MAP2K1: variants seen among roughly 807,000 people sequenced by gnomAD.
MAP2K1 encodes dual specificity mitogen-activated protein kinase kinase 1.
A neutral mutation model predicts 46.3 loss-of-function variants in MAP2K1; 16 were observed. The ratio of observed to expected loss-of-function variants is 0.35; its 90% CI spans 0.23 to 0.52. MAP2K1 has a LOEUF of 0.52. MAP2K1 is among the 20% of genes least tolerant of loss of function. The pLI, the probability that MAP2K1 is intolerant of heterozygous loss-of-function variation, is 0.94. For missense variants in MAP2K1, 263 were observed against 497.1 expected (o/e 0.53, Z 4.48); for synonymous variants, 183 against 185.6 (o/e 0.99, Z 0.11).
intron 1 of MAP2K1, among the ~76,000 whole-genome samples, chr15:66,433,700 G>A (rs1329530231): frequency 6.6e-6 from 1 of 152,214 alleles, no homozygotes. Flanking sequence ...GAACTGGGGT[G>A]TGTGTGTTGG....
chr15:66,408,770 C>T (rs1422599764), intron 1 of MAP2K1, among the ~76,000 whole-genome samples: 1 of 152,098 alleles, frequency 6.6e-6, no homozygotes, highest in Non-Finnish European at 1.5e-5. Flanking sequence ...CTCCAATATA[C>T]GTATGTTGAA....
At chr15:66,420,278 G>A (rs1344607867) in intron 1 of MAP2K1, among the ~76,000 whole-genome samples, 1 of 149,836 alleles carries the variant, frequency 6.7e-6, no homozygotes, top group Non-Finnish European at 1.5e-5. Context: ...ATGAATGAAT[G>A]CCTTTCAGCC....
chr15:66,437,128 C>T (rs2093490422), intron 3 of MAP2K1, among the ~76,000 whole-genome samples: 1 of 152,142 alleles, frequency 6.6e-6, no homozygotes, highest in South Asian at 2.1e-4. Context: ...GGTGGGTGTA[C>T]CTAGAGCACC....
At chr15:66,409,505 G>A (rs1476662489) in intron 1 of MAP2K1, among the ~76,000 whole-genome samples, 1 of 152,070 alleles carries the variant, frequency 6.6e-6, no homozygotes, top group African/African-American at 2.4e-5. Context: ...AATTTACATG[G>A]CACCTGGTGG....
intron 1 of MAP2K1, among the ~76,000 whole-genome samples, chr15:66,403,243 T>C (rs2093386773): frequency 6.6e-6 from 1 of 152,212 alleles, no homozygotes; most frequent in South Asian, 2.1e-4. Flanking sequence ...TTACCCAACA[T>C]TAAATTTTGG....
At position 66,443,336 on chromosome 15, in the gene MAP2K1, T is replaced by G. The variant is rs747171317; in HGVS notation, c.495T>G (p.Ile165Met). 2 of 1,612,176 alleles carry G rather than the reference T, an allele frequency of 1.2e-6. No individual in the cohort carries two copies. Among genetic ancestry groups the G allele is most frequent in the Non-Finnish European group, 1.7e-6 (2 of 1,178,308 alleles). ...AAGCTGGAAGAATTCCTGAACAAATTTTAGGAAAAGTTAGCATTGCTGTGA... is the reference window on the plus strand; with the variant it reads ...AAGCTGGAAGAATTCCTGAACAAATGTTAGGAAAAGTTAGCATTGCTGTGA... ...LKKAGRIPEQ[I>M]LGKVSIAVIK... Residue 165 changes from isoleucine (I) to methionine (M), a missense_variant, in exon 4 of 11, where the codon ATT (isoleucine) becomes ATG (methionine). By Grantham distance (10) the Ile-to-Met change is conservative. This residue lies in a region of MAP2K1 where 103 missense variants were observed against 221.6 expected (regional missense o/e 0.46). Coordinates refer to ENST00000307102, the MANE Select transcript of MAP2K1 (RefSeq NM_002755.4).
chr15:66,448,825 A>G (rs1595868232), intron 5 of MAP2K1, among the ~76,000 whole-genome samples: 1 of 152,020 alleles, frequency 6.6e-6, no homozygotes, highest in East Asian at 1.9e-4. Context: ...AACATGGTGA[A>G]ACCCCCGTCT....
intron 1 of MAP2K1, among the ~76,000 whole-genome samples, chr15:66,388,432 T>G (rs1013093482): frequency 1.3e-5 from 2 of 152,214 alleles, no homozygotes; most frequent in Admixed American, 1.3e-4. Flanking sequence ...CTTAATCTTT[T>G]ACCTGCACAC....
intron 1 of MAP2K1, 126 bp from the exon 2 acceptor site, chr15:66,434,901 C>T (rs889292414): frequency 7.8e-6 from 6 of 769,802 alleles, no homozygotes; most frequent in South Asian, 5.6e-5. Context: ...GGGGCCTCCT[C>T]TCTAGCCTCC....
At chr15:66,478,911 A>C (rs1892847460) in intron 5 of MAP2K1, among the ~76,000 whole-genome samples, 1 of 152,184 alleles carries the variant, frequency 6.6e-6, no homozygotes, top group Admixed American at 6.5e-5. Context: ...GACTGCCCAC[A>C]CAGAGCCCAC....
At chr15:66,453,242 T>A (rs753309387) in intron 5 of MAP2K1, among the ~76,000 whole-genome samples, 1 of 152,234 alleles carries the variant, frequency 6.6e-6, no homozygotes, top group Non-Finnish European at 1.5e-5. Context: ...TTCCGCCTAG[T>A]GCTGCCCCCA....
intron 1 of MAP2K1, among the ~76,000 whole-genome samples, chr15:66,423,533 T>C (rs2093448876): frequency 6.6e-6 from 1 of 151,474 alleles, no homozygotes; most frequent in African/African-American, 2.4e-5. Context: ...TCCCTCCCGG[T>C]ATTAAGCAAT....
chr15:66,423,770 G>C (rs2093449865), intron 1 of MAP2K1, among the ~76,000 whole-genome samples: 1 of 151,870 alleles, frequency 6.6e-6, no homozygotes, highest in South Asian at 2.1e-4. Flanking sequence ...ACCATGCCCG[G>C]CTAATTTTGT....
chr15:66,460,102 C>T (rs1892281955), intron 5 of MAP2K1, among the ~76,000 whole-genome samples: 1 of 152,224 alleles, frequency 6.6e-6, no homozygotes, highest in Admixed American at 6.5e-5. Context: ...TCACAGCCAT[C>T]CCATAGCTGT....
intron 1 of MAP2K1, among the ~76,000 whole-genome samples, chr15:66,421,627 C>T (rs2093443786): frequency 6.6e-6 from 1 of 151,450 alleles, no homozygotes; most frequent in Admixed American, 6.6e-5. Context: ...ATGGTGAAAT[C>T]CTGTCTCTAC....
At position 66,469,719 on chromosome 15, in the gene MAP2K1, C is replaced by CACACACACAT. The variant is rs968491730; in HGVS notation, c.569-12031_569-12030insCACATACACA. ...ACACACACACACACACACACACACA[C>CACACACACAT]ACACATATCGGATGTTAGCTTTTAA... is the stretch of plus-strand genomic sequence containing the variant. On this transcript the variant is annotated intron_variant, in intron 5 of 10. Coordinates refer to ENST00000307102, the MANE Select transcript of MAP2K1 (RefSeq NM_002755.4). 8.8e-4 allele frequency among the ~76,000 whole-genome samples: 127 copies of CACACACACAT among 144,986 alleles called. 4 individuals carry two copies. The highest frequency in any genetic ancestry group is 3.1e-3 in the African/African-American group (122 of 39,848).
intron 2 of MAP2K1, among the ~76,000 whole-genome samples, chr15:66,436,358 A>T (rs1203252930): frequency 1.3e-5 from 2 of 152,224 alleles, no homozygotes; most frequent in African/African-American, 4.8e-5. Context: ...CCTGAGCTCA[A>T]GGAAGAATCT....
chr15:66,401,593 T>G (rs2093381783), intron 1 of MAP2K1, among the ~76,000 whole-genome samples: 1 of 152,158 alleles, frequency 6.6e-6, no homozygotes, highest in Admixed American at 6.5e-5. Flanking sequence ...TCTTAAAATC[T>G]AATATGAGAG....
chr15:66,486,732 G>T (rs76190261), intron 7 of MAP2K1, among the ~76,000 whole-genome samples: 2 of 152,160 alleles, frequency 1.3e-5, no homozygotes, highest in African/African-American at 4.8e-5. Flanking sequence ...AGGTCCACAT[G>T]AGAGAGAGCT....
Sources: allele counts gnomAD v4.1 joint callset (sites outside exome capture counted in the v4.1 genomes callset), GRCh38; gene constraint gnomAD v4.1.1; regional missense constraint gnomAD v4.1.1; transcripts MANE v1.5; gene names NCBI Gene and HGNC (gene_info 2026-07-23, HGNC 2026-07-21).